IGFN1: variants seen among roughly 807,000 people sequenced by gnomAD.
IGFN1 encodes the protein immunoglobulin like and fibronectin type III domain containing 1.
A neutral mutation model predicts 289.5 loss-of-function variants in IGFN1; 253 were observed. The ratio of observed to expected loss-of-function variants is 0.87; its 90% CI spans 0.79 to 0.97. The LOEUF (loss-of-function observed/expected upper bound fraction) is 0.97. Among genes scored for constraint, IGFN1 ranks in the 50% least tolerant of loss-of-function variants. IGFN1 has a pLI of 0.00. For missense variants in IGFN1, 4,470 were observed against 4,686.1 expected, an observed-to-expected ratio of 0.95 and a Z score of 1.35; for synonymous variants, 1,706 against 1,788.5, an observed-to-expected ratio of 0.95 and a Z score of 1.16.
Position 201,207,385 on chromosome 1 carries a change from G to A in IGFN1, c.2492G>A (p.Arg831Lys). The A allele has an allele frequency of 6.5e-7, 1 of 1,536,440 alleles. No homozygotes were observed. Among genetic ancestry groups the A allele is most frequent in the Non-Finnish European group, 8.7e-7 (1 of 1,146,594 alleles). ...AGHRAAGGIG[R>K]IESKGTSPWD... ...CACAGAGCAGCAGGGGGTATTGGCAGAATAGAATCTAAGGGCACAAGTCCT... is the reference window on the plus strand; with the variant it reads ...CACAGAGCAGCAGGGGGTATTGGCAAAATAGAATCTAAGGGCACAAGTCCT... Residue 831 changes from arginine (R) to lysine (K), a missense_variant, in exon 12 of 24, where the codon AGA becomes AAA. Arg to Lys is a conservative substitution (Grantham distance 26). Around this residue, in one of 8 missense-constraint regions of IGFN1, gnomAD observed 2,011 missense variants for 1,953.4 expected, o/e 1.03. Coordinates refer to ENST00000335211, the MANE Select transcript of IGFN1 (RefSeq NM_001164586.2).
chr1:201,212,074 T>C lies in IGFN1; in HGVS notation c.7181T>C (p.Val2394Ala). 3 of 1,536,226 alleles carry C rather than the reference T, an allele frequency of 2.0e-6. No individual in the cohort carries two copies. The highest frequency in any genetic ancestry group is 2.6e-6 in the Non-Finnish European group (3 of 1,146,712). ...KAMGHRSGYWVASEGDTNSKD... is the reference protein window; with the variant it reads ...KAMGHRSGYWAASEGDTNSKD... ...ATGGGTCACAGGTCAGGATATTGGG[T>C]AGCATCAGAGGGTGACACGAACTCC... Residue 2394 changes from valine (V) to alanine (A), a missense_variant, in exon 12 of 24, where the codon GTA becomes GCA. Physicochemically the swap from Val to Ala is moderately conservative, Grantham distance 64. Transcript: ENST00000335211.
chr1:201,201,678 G>A (rs943722729), intron 8 of IGFN1, 41 bp from the exon 9 acceptor site: 11 of 1,081,306 alleles, frequency 1.0e-5, no homozygotes, highest in Non-Finnish European at 1.3e-5. Flanking sequence ...CGAAGAGAGA[G>A]CTTCATGAGC....
At chr1:201,204,879 G>A (rs999475089) in intron 10 of IGFN1, among the ~76,000 whole-genome samples, 10 of 152,272 alleles carry the variant, frequency 6.6e-5, no homozygotes, top group Admixed American at 3.3e-4. Flanking sequence ...CTGAAAATAA[G>A]CCTCATTGCT....
chr1:201,221,775 G>A, intron 19 of IGFN1, 29 bp downstream of exon 19: 1 of 1,545,596 alleles, frequency 6.5e-7, no homozygotes, highest in Non-Finnish European at 8.8e-7. Flanking sequence ...CCCGACCCCT[G>A]AGCCCTGCAG....
At chr1:201,206,036 T>A in intron 11 of IGFN1, 47 bp from the exon 12 acceptor site, 1 of 1,296,480 alleles carries the variant, frequency 7.7e-7, no homozygotes, top group Non-Finnish European at 1.1e-6. Flanking sequence ...TTCTCTTGTC[T>A]CTCCATGTGG....
intron 18 of IGFN1, among the ~76,000 whole-genome samples, chr1:201,219,972 T>C: frequency 7.2e-6 from 1 of 139,148 alleles, no homozygotes; most frequent in Non-Finnish European, 1.6e-5. Flanking sequence ...TCTCTCTTTC[T>C]TTCTTTTTTC....
chr1:201,208,241 G>T lies in IGFN1; in HGVS notation c.3348G>T (p.Arg1116Ser), dbSNP rs1038080584. Residue 1116 changes from arginine (R) to serine (S), a missense_variant, in exon 12 of 24, where the codon AGG becomes AGT. This residue lies in a region of IGFN1 where 2,011 missense variants were observed against 1,953.4 expected (regional missense o/e 1.03). Transcript: ENST00000335211. Reference protein sequence around the residue: ...EAEPESSGRIRPWGQTGNYGG... With the variant: ...EAEPESSGRISPWGQTGNYGG... Reference sequence around the variant, plus strand: ...AACCAGAGAGCTCTGGAAGAATAAGGCCTTGGGGTCAGACTGGAAATTATG... The same window carrying T: ...AACCAGAGAGCTCTGGAAGAATAAGTCCTTGGGGTCAGACTGGAAATTATG... 6.5e-7 allele frequency: 1 copy of T among 1,536,488 alleles called. No individual in the cohort carries two copies. Among genetic ancestry groups the T allele is most frequent in the Admixed American group, 2.0e-5 (1 of 50,976 alleles).
Position 201,213,285 on chromosome 1 carries a change from G to GCCTT in IGFN1, c.8392_8393insCCTT (p.Glu2798AlafsTer30). 1.3e-6 allele frequency: 2 copies of GCCTT among 1,559,148 alleles called. No homozygotes were observed. Among genetic ancestry groups the GCCTT allele is most frequent in the Non-Finnish European group, 1.7e-6 (2 of 1,151,098 alleles). ...GGGTCCTGGGGCCCTAAAGGAGGAT[G>GCCTT]AAGGGCAGGGAGTGGAAGAGGCTGG... On this transcript the variant is annotated frameshift_variant, in exon 12 of 24. Transcript: ENST00000335211. LOFTEE classifies it high-confidence loss of function.
chr1:201,225,829 C>T lies in IGFN1; in HGVS notation c.10492C>T (p.Pro3498Ser). 6.2e-7 allele frequency: 1 copy of T among 1,610,958 alleles called. No individual in the cohort carries two copies. Among genetic ancestry groups the T allele is most frequent in the Non-Finnish European group, 8.5e-7 (1 of 1,179,136 alleles). Residue 3498 changes from proline (P) to serine (S), a missense_variant, in exon 22 of 24, where the codon CCG becomes TCG. Transcript: ENST00000335211. ...CTCTGCCGTCTCTCCTGAAGCATGCCCGCAGGCCCCTGGGCCCATCCACCT... is the reference window on the plus strand; with the variant it reads ...CTCTGCCGTCTCTCCTGAAGCATGCTCGCAGGCCCCTGGGCCCATCCACCT... Reference protein sequence around the residue: ...HSFRIRVAACPQAPGPIHLQE... With the variant: ...HSFRIRVAACSQAPGPIHLQE...
At chr1:201,225,714 G>C (rs1249612211) in intron 21 of IGFN1, 110 bp from the exon 22 acceptor site, 1 of 921,554 alleles carries the variant, frequency 1.1e-6, no homozygotes, top group Non-Finnish European at 1.6e-6. Context: ...CTACTTGTGT[G>C]GCAAGACTGC....
At chr1:201,203,648 G>A in intron 9 of IGFN1, 90 bp from the exon 10 acceptor site, 2 of 1,282,370 alleles carry the variant, frequency 1.6e-6, no homozygotes, top group Non-Finnish European at 2.1e-6. Flanking sequence ...GCCCGTGGGA[G>A]AAAACTGCTG....
chr1:201,211,994 A>G lies in IGFN1; in HGVS notation c.7101A>G (p.Val2367=). 2 of 1,535,830 alleles carry G rather than the reference A, an allele frequency of 1.3e-6. No individual in the cohort carries two copies. Among genetic ancestry groups the G allele is most frequent in the Non-Finnish European group, 1.7e-6 (2 of 1,146,442 alleles). Residue 2367 remains valine (V), a synonymous_variant, in exon 12 of 24, where the codon GTA becomes GTG. Transcript: ENST00000335211. The part of the protein sequence containing the change: ...GYGDGSGRLG[V]PGSLAGIGHE... ...GAGATGGTTCAGGGAGGCTTGGAGT[A>G]CCAGGCTCACTGGCTGGAATAGGAC... is the stretch of plus-strand genomic sequence containing the variant.
At chr1:201,216,786 A>T in intron 16 of IGFN1, 33 bp downstream of exon 16, 1 of 1,540,786 alleles carries the variant, frequency 6.5e-7, no homozygotes, top group South Asian at 1.2e-5. Context: ...GGGGTGGGGG[A>T]CACTCCTGGG....
chr1:201,214,055 G>A (rs1667970173), intron 12 of IGFN1, 122 bp from the exon 13 acceptor site: 4 of 1,024,220 alleles, frequency 3.9e-6, no homozygotes, highest in African/African-American at 3.2e-5. Flanking sequence ...CATAGGTGCT[G>A]GGAACCAGCC....
At position 201,207,194 on chromosome 1, in the gene IGFN1, A is replaced by T; in HGVS notation, c.2301A>T (p.Thr767=). The part of the protein sequence containing the change: ...DGICRGESVV[T]GSAYKTGPGG... ...TATGCCGGGGGGAGTCTGTAGTTAC[A>T]GGAAGTGCCTACAAAACTGGCCCTG... The change falls in exon 12 of 24, where the codon ACA becomes ACT. Residue 767 remains threonine, a synonymous_variant. Transcript: ENST00000335211. The T allele has an allele frequency of 1.3e-6, 2 of 1,536,950 alleles. No homozygotes were observed. Among genetic ancestry groups the T allele is most frequent in the Non-Finnish European group, 1.7e-6 (2 of 1,146,856 alleles).
chr1:201,218,575 A>C lies in IGFN1; in HGVS notation c.9815A>C (p.Glu3272Ala). 6.2e-7 allele frequency: 1 copy of C among 1,613,524 alleles called. No individual in the cohort carries two copies. The highest frequency in any genetic ancestry group is 8.5e-7 in the Non-Finnish European group (1 of 1,179,966). The change falls in exon 18 of 24, where the codon GAG becomes GCG. Residue 3272 changes from glutamate to alanine, a missense_variant. By Grantham distance (107) the Glu-to-Ala change is moderately radical. Transcript: ENST00000335211. ...VADVRQGCQYEFRVTAVAPSG... is the reference protein window; with the variant it reads ...VADVRQGCQYAFRVTAVAPSG... ...GACGTGCGGCAGGGCTGTCAGTATG[A>C]GTTCCGGGTCACAGCTGTGGCTCCC...
In IGFN1 at chr1:201,209,929, G is replaced by C; in HGVS notation, c.5036G>C (p.Gly1679Ala). The C allele has an allele frequency of 1.4e-6, 2 of 1,455,878 alleles. No homozygotes were observed. The highest frequency in any genetic ancestry group is 1.8e-6 in the Non-Finnish European group (2 of 1,084,552). The allele number at this position is 1,455,878 out of a possible 1,614,324, so 90.2% of individuals were successfully genotyped here. A position where few individuals can be genotyped will look rare whatever the true frequency, so the allele number is the denominator to read the frequency against. ...MDEAGYRKNL[G>A]APEGIGSGSK... is the part of the protein sequence containing the mutation. Reference sequence around the variant, plus strand: ...GAGGCAGGTTATAGGAAGAATTTGGGGGCTCCTGAGGGAATAGGTTCAGGG... The same window carrying C: ...GAGGCAGGTTATAGGAAGAATTTGGCGGCTCCTGAGGGAATAGGTTCAGGG... Residue 1679 changes from glycine to alanine, a missense_variant, in exon 12 of 24, where the codon GGG (glycine) becomes GCG (alanine). Physicochemically the swap from Gly to Ala is moderately conservative, Grantham distance 60. Around this residue, in one of 8 missense-constraint regions of IGFN1, gnomAD observed 49 missense variants for 62.6 expected, o/e 0.78. Transcript: ENST00000335211.
At chr1:201,192,218 C>T (rs1295237738) in intron 1 of IGFN1, among the ~76,000 whole-genome samples, 3 of 152,298 alleles carry the variant, frequency 2.0e-5, no homozygotes, top group South Asian at 2.1e-4. Flanking sequence ...AGTGGGTGGC[C>T]GTTGCGAAAT....
At position 201,211,259 on chromosome 1, in the gene IGFN1, A is replaced by G; in HGVS notation, c.6366A>G (p.Ala2122=). 2 of 1,531,208 alleles carry G rather than the reference A, an allele frequency of 1.3e-6. No homozygotes were observed. The highest frequency in any genetic ancestry group is 1.2e-5 in the South Asian group (1 of 83,674). The allele number at this position is 1,531,208 out of a possible 1,614,324, so 94.9% of individuals were successfully genotyped here. The change falls in exon 12 of 24, where the codon GCA becomes GCG. Residue 2122 remains alanine (A), a synonymous_variant. Coordinates refer to ENST00000335211, the MANE Select transcript of IGFN1 (RefSeq NM_001164586.2). ...AGGGAATAGGTTCAGGAAGTAAGGC[A>G]GGTTTTAGGGATGGTTTAGGGAGTT... ...APEGIGSGSK[A]GFRDGLGSST...
Sources: allele counts gnomAD v4.1 joint callset (sites outside exome capture counted in the v4.1 genomes callset), GRCh38; gene constraint gnomAD v4.1.1; regional missense constraint gnomAD v4.1.1; transcripts MANE v1.5; gene names NCBI Gene and HGNC (gene_info 2026-07-23, HGNC 2026-07-21).